The following TEX9 variants were observed in gnomAD, a reference collection of about 807,000 sequenced individuals.
TEX9 encodes the protein testis expressed 9, also known as testis-expressed protein 9.
In TEX9, 74 loss-of-function variants were observed where a neutral mutation model predicts 59.6. The ratio of observed to expected loss-of-function variants is 1.24; its 90% CI spans 1.03 to 1.51. The LOEUF is 1.51. Among genes scored for constraint, TEX9 ranks in the 40% most tolerant of loss-of-function variants. The probability of loss-of-function intolerance (pLI) is 0.00; values close to 1 mark genes in which losing one functional copy is unlikely to be tolerated. For missense variants in TEX9, 522 were observed against 447.8 expected, an observed-to-expected ratio of 1.17 and a Z score of -1.49; for synonymous variants, 186 against 152.2, an observed-to-expected ratio of 1.22 and a Z score of -1.64.
At chr15:56,251,632 C>A (rs966565759) in intron 1 of TEX9, among the ~76,000 whole-genome samples, 1 of 151,914 alleles carries the variant, frequency 6.6e-6, no homozygotes, top group African/African-American at 2.4e-5. Context: ...TAGACAACAA[C>A]CAGAAGAGGC....
chr15:56,268,537 G>A (rs2044446206), intron 1 of TEX9, among the ~76,000 whole-genome samples: 1 of 152,180 alleles, frequency 6.6e-6, no homozygotes, highest in African/African-American at 2.4e-5. Context: ...AGCATGAAGA[G>A]CTGTTAAATT....
At chr15:56,448,084 A>C (rs1264868689), downstream of TEX9, among the ~76,000 whole-genome samples, 1 of 152,178 alleles carries the variant, frequency 6.6e-6, no homozygotes, top group Non-Finnish European at 1.5e-5. Context: ...GTATGTGGAT[A>C]TTGCAAATAA....
intron 2 of TEX9, among the ~76,000 whole-genome samples, chr15:56,371,728 C>G (rs1456338424): frequency 6.6e-6 from 1 of 152,072 alleles, no homozygotes; most frequent in African/African-American, 2.4e-5. Context: ...ATTGATTCCA[C>G]GTCAGCTTTC....
chr15:56,314,882 T>C (rs1181946650), intron 1 of TEX9, among the ~76,000 whole-genome samples: 11 of 151,524 alleles, frequency 7.3e-5, no homozygotes, highest in African/African-American at 2.7e-4. Flanking sequence ...TCTTGTTGAA[T>C]TGATCCCTTT....
chr15:56,339,297 C>T (rs1327384993), intron 1 of TEX9, among the ~76,000 whole-genome samples: 8 of 143,554 alleles, frequency 5.6e-5, no homozygotes, highest in African/African-American at 1.8e-4. Flanking sequence ...GCAGGAGAAT[C>T]GCTTGAACCC....
At position 56,323,680 on chromosome 15, in the gene TEX9, GGAA is replaced by G. The variant is rs374774394; in HGVS notation, c.-106-49749_-106-49747del. 293 of 145,556 alleles carry G rather than the reference GGAA, an allele frequency of 2.0e-3. 1 individual carries two copies. Among genetic ancestry groups the G allele is most frequent in the African/African-American group, 6.6e-3 (253 of 38,456 alleles). The allele number at this position is 145,556 out of a possible 1,614,324, so 9.0% of individuals were successfully genotyped here. On this transcript the variant is annotated intron_variant, in intron 1 of 5. Transcript: ENST00000560827. ...AAGATGAAGAGGAGGAAGAGGAAGA[GGAA>G]GAAGAAGAAGAGGAAGAAGGAGGAG...
intron 2 of TEX9, among the ~76,000 whole-genome samples, chr15:56,369,967 G>T (rs2047116600): frequency 8.4e-6 from 1 of 119,540 alleles, no homozygotes; most frequent in Non-Finnish European, 1.8e-5. Context: ...TCATTATTAT[G>T]CAGTGTCTAT....
chr15:56,247,446 G>A (rs1323869541), intron 1 of TEX9, among the ~76,000 whole-genome samples: 1 of 152,196 alleles, frequency 6.6e-6, no homozygotes, highest in Non-Finnish European at 1.5e-5. Context: ...ATTGGGTCTT[G>A]TTGGATGAAT....
chr15:56,415,164 A>T (rs966799510), intron 10 of TEX9, among the ~76,000 whole-genome samples: 1 of 151,442 alleles, frequency 6.6e-6, no homozygotes, highest in African/African-American at 2.4e-5. Flanking sequence ...GTTTGCAAAA[A>T]TTTTCTCCCA....
At chr15:56,305,674 A>G (rs909560305) in intron 1 of TEX9, among the ~76,000 whole-genome samples, 2 of 152,186 alleles carry the variant, frequency 1.3e-5, no homozygotes. Flanking sequence ...AACTATTACA[A>G]GAAAAGATTG....
chr15:56,308,957 G>A (rs1404457030), intron 1 of TEX9, among the ~76,000 whole-genome samples: 1 of 152,130 alleles, frequency 6.6e-6, no homozygotes, highest in Non-Finnish European at 1.5e-5. Flanking sequence ...TGGCTTTGTA[G>A]TAAGTTTTGA....
intron 1 of TEX9, among the ~76,000 whole-genome samples, chr15:56,354,688 C>A (rs900086399): frequency 1.3e-5 from 2 of 152,070 alleles, no homozygotes; most frequent in Non-Finnish European, 2.9e-5. Flanking sequence ...GTCAGGCAAG[C>A]AGCAAAAGTA....
At chr15:56,340,158 G>A (rs1205804272) in intron 1 of TEX9, among the ~76,000 whole-genome samples, 2 of 152,088 alleles carry the variant, frequency 1.3e-5, no homozygotes, top group African/African-American at 4.8e-5. Flanking sequence ...GGATGGTAAG[G>A]GAAATTTAAG....
chr15:56,264,844 T>C (rs567289120), intron 1 of TEX9, among the ~76,000 whole-genome samples: 2 of 152,330 alleles, frequency 1.3e-5, no homozygotes, highest in Admixed American at 6.5e-5. Flanking sequence ...CCACACTATG[T>C]TTTAGAAAGA....
chr15:56,332,005 C>T (rs2046156461), intron 1 of TEX9, among the ~76,000 whole-genome samples: 1 of 127,552 alleles, frequency 7.8e-6, no homozygotes, highest in African/African-American at 2.9e-5. Context: ...AATAGGAACA[C>T]TTTTACACTG....
intron 1 of TEX9, among the ~76,000 whole-genome samples, chr15:56,347,073 A>G (rs1268123981): frequency 6.6e-6 from 1 of 152,208 alleles, no homozygotes; most frequent in Admixed American, 6.5e-5. Flanking sequence ...CTGATGAAAG[A>G]TTTCAAAAAG....
chr15:56,403,369 C>T (rs533975336), intron 9 of TEX9, among the ~76,000 whole-genome samples: 5 of 152,140 alleles, frequency 3.3e-5, no homozygotes, highest in Admixed American at 3.3e-4. Flanking sequence ...CATGAGTGAA[C>T]TCCCATTCAC....
At position 56,391,431 on chromosome 15, in the gene TEX9, T is replaced by C; in HGVS notation, c.571+13T>C. 1 of 1,477,508 alleles carries C rather than the reference T, an allele frequency of 6.8e-7. No homozygotes were observed. The highest frequency in any genetic ancestry group is 9.0e-7 in the Non-Finnish European group (1 of 1,108,154). 91.5% of individuals were successfully genotyped at this position (1,477,508 alleles called of 1,614,324 possible). A position where few individuals can be genotyped will look rare whatever the true frequency, so the allele number is the denominator to read the frequency against. On this transcript the variant is annotated intron_variant, in intron 7 of 12. Coordinates refer to ENST00000352903, the Ensembl canonical transcript of TEX9. The stretch of plus-strand genomic sequence containing the variant: ...GACATTGGAACAGGTAGATTTTCTT[T>C]AGTTTTTTATTTTTATCTTTATAGC...
At chr15:56,347,461 A>G (rs1479848792) in intron 1 of TEX9, among the ~76,000 whole-genome samples, 1 of 152,096 alleles carries the variant, frequency 6.6e-6, no homozygotes, top group African/African-American at 2.4e-5. Context: ...TAAAGATGCA[A>G]AAGCAATTAA....
Sources: gnomAD v4.1 joint callset for allele counts (sites outside exome capture counted in the v4.1 genomes callset) on GRCh38, gnomAD v4.1.1 for gene constraint, MANE v1.5 for transcripts, NCBI Gene and HGNC (gene_info 2026-07-23, HGNC 2026-07-21) for gene names.